Variants in SLC35F3 observed in about 807,000 individuals in gnomAD.
The protein encoded by SLC35F3 is solute carrier family 35 member F3, also known as putative thiamine transporter SLC35F3.
Under a neutral mutation model 49.9 loss-of-function variants are expected in SLC35F3, and 25 were observed. The observed-to-expected ratio is 0.50, with a 90% CI of 0.37 to 0.70. The LOEUF (loss-of-function observed/expected upper bound fraction) is 0.70, where lower values mean the gene tolerates loss of function less well. Ranked by LOEUF, SLC35F3 falls within the 30% of genes least tolerant of loss-of-function variation. SLC35F3 has a pLI of 0.00. For synonymous variants in SLC35F3, 275 were observed against 265.4 expected (o/e 1.04, Z -0.35); for missense variants, 525 against 639.8 (o/e 0.82, Z 1.94).
At chr1:233,912,052 A>G (rs1661882806) in intron 2 of SLC35F3, among the ~76,000 whole-genome samples, 1 of 152,184 alleles carries the variant, frequency 6.6e-6, no homozygotes, top group Admixed American at 6.5e-5. Context: ...TAAGCATTTT[A>G]CTGTAAGCTG....
chr1:234,229,930 A>G (rs183859623), intron 2 of SLC35F3, among the ~76,000 whole-genome samples: 12 of 152,332 alleles, frequency 7.9e-5, no homozygotes, highest in Non-Finnish European at 1.5e-4. Context: ...CTGGAAATCA[A>G]TCTTCCTTTT....
chr1:233,966,577 A>C (rs1321808800), intron 2 of SLC35F3, among the ~76,000 whole-genome samples: 1 of 152,172 alleles, frequency 6.6e-6, no homozygotes, highest in African/African-American at 2.4e-5. Context: ...ATACCCACCA[A>C]CTCTTGCTCC....
chr1:233,941,632 A>T (rs933899203), intron 2 of SLC35F3, among the ~76,000 whole-genome samples: 6 of 152,224 alleles, frequency 3.9e-5, no homozygotes, highest in Non-Finnish European at 8.8e-5. Context: ...AAACACACAA[A>T]TGATTGTCAT....
At chr1:234,240,267 C>T (rs1159319176) in intron 3 of SLC35F3, among the ~76,000 whole-genome samples, 1 of 151,796 alleles carries the variant, frequency 6.6e-6, no homozygotes, top group African/African-American at 2.4e-5. Context: ...CCCAGGAGTT[C>T]GAGACCAGCC....
In SLC35F3 at chr1:234,191,092, C is replaced by T. The variant is rs554582199; in HGVS notation, c.284-40325C>T. On this transcript the variant is annotated intron_variant, in intron 2 of 7. Coordinates refer to ENST00000366618, the MANE Select transcript of SLC35F3 (RefSeq NM_173508.4). ...AGCTGTTTACTTGCTCACAGGTTCT[C>T]ATTATTGCTAACAGGCTTCAATTAT... Among the ~76,000 whole-genome samples, 62 of 152,270 alleles carry T rather than the reference C, an allele frequency of 4.1e-4. No individual in the cohort carries two copies. The South Asian group carries it at 9.5e-3, about 23-fold the overall frequency.
At chr1:233,986,892 G>T (rs985352345) in intron 2 of SLC35F3, among the ~76,000 whole-genome samples, 7 of 152,124 alleles carry the variant, frequency 4.6e-5, no homozygotes, top group Admixed American at 2.0e-4. Flanking sequence ...ATTTCCTTCA[G>T]TTCTTTTCTG....
At chr1:234,141,573 C>T (rs1485204647) in intron 2 of SLC35F3, among the ~76,000 whole-genome samples, 1 of 152,148 alleles carries the variant, frequency 6.6e-6, no homozygotes, top group African/African-American at 2.4e-5. Flanking sequence ...GCTAAGAACA[C>T]TTAGTCTGAT....
At chr1:234,135,738 C>T (rs1463500) in intron 2 of SLC35F3, among the ~76,000 whole-genome samples, 36,427 of 152,190 alleles carry the variant, frequency 0.24, 5,912 homozygotes, top group East Asian at 0.75. Context: ...GCGCCCTCTG[C>T]CTTGCATGAG....
chr1:234,166,070 T>C (rs892242062), intron 2 of SLC35F3, among the ~76,000 whole-genome samples: 1 of 152,224 alleles, frequency 6.6e-6, no homozygotes, highest in Non-Finnish European at 1.5e-5. Flanking sequence ...ATGGTGTATA[T>C]ATAACCGCAT....
chr1:234,068,982 C>CTATATATAATATATAAAATTATATAATTT (rs1453850151), intron 2 of SLC35F3, among the ~76,000 whole-genome samples: 10,758 of 96,462 alleles, frequency 0.11, 1,303 homozygotes, highest in East Asian at 0.2. Flanking sequence ...TATAATTTTA[C>CTATATATAATATATAAAATTATATAATTT]TACATATAAT....
At chr1:233,995,827 G>A (rs1451581791) in intron 2 of SLC35F3, among the ~76,000 whole-genome samples, 2 of 152,158 alleles carry the variant, frequency 1.3e-5, no homozygotes, top group African/African-American at 4.8e-5. Flanking sequence ...TGTAACGGGT[G>A]GGACCTGTGC....
At chr1:234,153,828 C>T (rs1666108405) in intron 2 of SLC35F3, among the ~76,000 whole-genome samples, 1 of 151,940 alleles carries the variant, frequency 6.6e-6, no homozygotes, top group Non-Finnish European at 1.5e-5. Context: ...AATCCCAGCA[C>T]TTTGGGAGGC....
Position 234,323,075 on chromosome 1 carries a change from C to T in SLC35F3, c.1305C>T (p.Gly435=), listed in dbSNP as rs1344290393. The T allele has an allele frequency of 6.2e-6, 10 of 1,614,018 alleles. No homozygotes were observed. The highest frequency in any genetic ancestry group is 5.5e-5 in the South Asian group (5 of 91,076). ...GVRVIAIIII[G]LGFLLLLLPE... ...GGGTCATCGCCATCATCATCATCGG[C>T]CTGGGTTTTCTCCTCCTGCTCCTGC... The change falls in exon 8 of 8, where the codon GGC becomes GGT. Residue 435 remains glycine (G), a synonymous_variant. Coordinates refer to ENST00000366618, the MANE Select transcript of SLC35F3 (RefSeq NM_173508.4). The surrounding 1 kb of genome is among the most constrained non-coding windows in gnomAD (Gnocchi z 4.5).
chr1:234,249,211 T>G (rs1667697622), intron 3 of SLC35F3, among the ~76,000 whole-genome samples: 1 of 152,110 alleles, frequency 6.6e-6, no homozygotes, highest in Non-Finnish European at 1.5e-5. Flanking sequence ...GCATGAATGG[T>G]CTCATCCTTA....
At chr1:234,178,359 A>G (rs759785738) in intron 2 of SLC35F3, among the ~76,000 whole-genome samples, 2 of 151,508 alleles carry the variant, frequency 1.3e-5, no homozygotes, top group African/African-American at 2.4e-5. Flanking sequence ...CACACTACAT[A>G]TATTTATCTG....
chr1:234,255,990 A>G (rs1667815968), intron 3 of SLC35F3, among the ~76,000 whole-genome samples: 1 of 152,214 alleles, frequency 6.6e-6, no homozygotes, highest in Non-Finnish European at 1.5e-5. Context: ...TGGTTCATCA[A>G]TCATAACAAA....
intron 2 of SLC35F3, among the ~76,000 whole-genome samples, chr1:234,126,722 GC>G (rs1208986179): frequency 1.3e-5 from 2 of 151,846 alleles, no homozygotes; most frequent in Non-Finnish European, 2.9e-5. Flanking sequence ...ACAGAGTCTT[GC>G]TCTGTCACCC....
intron 2 of SLC35F3, among the ~76,000 whole-genome samples, chr1:233,928,192 G>A (rs1055920037): frequency 3.9e-5 from 6 of 152,014 alleles, no homozygotes; most frequent in African/African-American, 1.2e-4. Context: ...AAGTCAAGTC[G>A]ACCTATAGTG....
chr1:234,133,273 A>C (rs1005824971), intron 2 of SLC35F3, among the ~76,000 whole-genome samples: 17 of 152,208 alleles, frequency 1.1e-4, no homozygotes, highest in African/African-American at 3.9e-4. Context: ...CTCAAGATCC[A>C]TTCCACAATG....
Sources: allele counts gnomAD v4.1 joint callset (sites outside exome capture counted in the v4.1 genomes callset), GRCh38; gene constraint gnomAD v4.1.1; non-coding constraint Gnocchi (gnomAD v3.1); transcripts MANE v1.5; gene names NCBI Gene and HGNC (gene_info 2026-07-23, HGNC 2026-07-21).